Variants in SRL observed in about 807,000 individuals in gnomAD.
SRL encodes sarcalumenin.
Under a neutral mutation model 39.5 loss-of-function variants are expected in SRL, and 23 were observed. That is an observed-to-expected ratio of 0.58 (90% CI 0.42 to 0.82). The LOEUF (loss-of-function observed/expected upper bound fraction) is 0.82, where lower values mean the gene tolerates loss of function less well. Among genes scored for constraint, SRL ranks in the 40% least tolerant of loss-of-function variants. The pLI is 0.00. For synonymous variants in SRL, 272 were observed against 237.4 expected, an observed-to-expected ratio of 1.15 and a Z score of -1.34; for missense variants, 592 against 607.8, an observed-to-expected ratio of 0.97 and a Z score of 0.27.
chr16:4,196,114 C>T (rs1045865565), intron 4 of SRL, among the ~76,000 whole-genome samples: 1 of 151,958 alleles, frequency 6.6e-6, no homozygotes, highest in Admixed American at 6.6e-5. Flanking sequence ...GCACTCGCCA[C>T]CATGCCTGGC....
At chr16:4,195,413 G>T in intron 5 of SRL, 140 bp downstream of exon 5, 1 of 812,514 alleles carries the variant, frequency 1.2e-6, no homozygotes, top group Non-Finnish European at 2.0e-6. Flanking sequence ...GCTCAGGCTG[G>T]TCTTGAACCT....
chr16:4,218,617 G>A (rs888747089), intron 1 of SRL, among the ~76,000 whole-genome samples: 3 of 152,182 alleles, frequency 2.0e-5, no homozygotes, highest in East Asian at 1.9e-4. Context: ...ACACAGGCCC[G>A]CTGGACCACG....
intron 1 of SRL, among the ~76,000 whole-genome samples, chr16:4,238,979 G>C (rs2052743664): frequency 6.6e-6 from 1 of 152,234 alleles, no homozygotes; most frequent in South Asian, 2.1e-4. Flanking sequence ...GTGCATTCCA[G>C]GCTCACTGTG....
chr16:4,233,837 T>C (rs2052685004), intron 1 of SRL, among the ~76,000 whole-genome samples: 2 of 152,122 alleles, frequency 1.3e-5, no homozygotes, highest in African/African-American at 4.8e-5. Context: ...ATGCTTCTAT[T>C]TGATCCTTTT....
At chr16:4,237,336 G>T (rs562170538) in intron 1 of SRL, among the ~76,000 whole-genome samples, 2 of 152,202 alleles carry the variant, frequency 1.3e-5, no homozygotes, top group South Asian at 4.1e-4. Context: ...GAACCTGTAA[G>T]GGCCCCCTCC....
rs12709115 is a variant in SRL, at chr16:4,210,554, G to C, written c.62-5920C>G. 7.2e-3 allele frequency among the ~76,000 whole-genome samples: 992 copies of C among 137,768 alleles called. 14 individuals are homozygous for C. The highest frequency in any genetic ancestry group is 0.026 in the African/African-American group (943 of 35,830). 90.4% of individuals were successfully genotyped at this position (137,768 alleles called of 152,430 possible). On this transcript the variant is annotated intron_variant, in intron 1 of 5. Coordinates refer to ENST00000399609, the MANE Select transcript of SRL (RefSeq NM_001098814.2). The stretch of plus-strand genomic sequence containing the variant: ...ACCCAGGCTGGAGTGCAGTGAACGC[G>C]ATCTCGGTTCACTGTAATCTCCACC...
At position 4,191,067 on chromosome 16, in the gene SRL, C is replaced by G. The variant is rs2052056082; in HGVS notation, c.*1086G>C. 1 of 152,346 alleles carries G rather than the reference C, an allele frequency of 6.6e-6. No individual in the cohort carries two copies. The highest frequency in any genetic ancestry group is 2.4e-5 in the African/African-American group (1 of 41,456). The allele number at this position is 152,346 out of a possible 1,614,324, so 9.4% of individuals were successfully genotyped here. A position where few individuals can be genotyped will look rare whatever the true frequency, so the allele number is the denominator to read the frequency against. On this transcript the variant is annotated 3_prime_UTR_variant, in exon 6 of 6. Transcript: ENST00000399609. ...GACGCACTGCAAACCAATTAACCCT[C>G]TGAGCCCTTCCACGACCTTCACTAC...
chr16:4,233,747 C>T (rs1007339053), intron 1 of SRL, among the ~76,000 whole-genome samples: 3 of 152,148 alleles, frequency 2.0e-5, no homozygotes, highest in African/African-American at 7.2e-5. Context: ...TACACCTCTC[C>T]CTGCTCTCAT....
chr16:4,226,334 A>G (rs939141536), intron 1 of SRL, among the ~76,000 whole-genome samples: 1 of 152,188 alleles, frequency 6.6e-6, no homozygotes, highest in Admixed American at 6.6e-5. Flanking sequence ...GGATGGATGG[A>G]TGAACAGACG....
Position 4,223,544 on chromosome 16 carries a change from GT to G in SRL, c.61+18462del, listed in dbSNP as rs1386365054. 2.7e-5 allele frequency among the ~76,000 whole-genome samples: 4 copies of G among 150,740 alleles called. No homozygotes were observed. The East Asian group carries it at 7.8e-4, about 29-fold the overall frequency. On this transcript the variant is annotated intron_variant, in intron 1 of 5. Coordinates refer to ENST00000399609, the MANE Select transcript of SRL (RefSeq NM_001098814.2). ...GGTGCATGCCATCATATCTGGCTAG[GT>G]TTTTAAATTTTTTTTTTTTTTGTAG...
At chr16:4,241,896 G>A (rs1287938720) in intron 1 of SRL, 111 bp downstream of exon 1, 41 of 1,146,806 alleles carry the variant, frequency 3.6e-5, no homozygotes. Flanking sequence ...CCAGCCAAGA[G>A]CCAGGGTTTG....
chr16:4,221,877 A>G (rs1472603328), intron 1 of SRL, among the ~76,000 whole-genome samples: 1 of 152,012 alleles, frequency 6.6e-6, no homozygotes, highest in Non-Finnish European at 1.5e-5. Context: ...CTCTGCCTCC[A>G]CTGACACAAG....
chr16:4,208,428 G>C (rs1253353842), intron 1 of SRL, among the ~76,000 whole-genome samples: 1 of 152,000 alleles, frequency 6.6e-6, no homozygotes, highest in African/African-American at 2.4e-5. Context: ...TCAAGCTTCC[G>C]GGCTTGGTCC....
At chr16:4,209,269 T>A (rs534550652) in intron 1 of SRL, among the ~76,000 whole-genome samples, 3 of 149,252 alleles carry the variant, frequency 2.0e-5, no homozygotes, top group East Asian at 3.9e-4. Flanking sequence ...TGAGACTCCA[T>A]CTCAAAAAAA....
chr16:4,227,227 T>C (rs1377575058), intron 1 of SRL, among the ~76,000 whole-genome samples: 1 of 138,906 alleles, frequency 7.2e-6, no homozygotes, highest in Non-Finnish European at 1.5e-5. Context: ...GATGAGTGGA[T>C]GGGTGGGTGG....
At chr16:4,195,830 GA>G in intron 4 of SRL, 44 bp from the exon 5 acceptor site, 1 of 1,511,026 alleles carries the variant, frequency 6.6e-7, no homozygotes, top group Non-Finnish European at 9.1e-7. Flanking sequence ...TGATCTCTGT[GA>G]AACAGATCTA....
At chr16:4,198,776 T>C (rs975141353) in intron 3 of SRL, among the ~76,000 whole-genome samples, 1 of 152,136 alleles carries the variant, frequency 6.6e-6, no homozygotes, top group East Asian at 1.9e-4. Flanking sequence ...AACACTAGCC[T>C]CTAAAGTCCA....
At chr16:4,214,959 G>C (rs566904656) in intron 1 of SRL, among the ~76,000 whole-genome samples, 3 of 151,942 alleles carry the variant, frequency 2.0e-5, no homozygotes, top group Non-Finnish European at 4.4e-5. Context: ...GTAGAGACAG[G>C]GTTTCACCAT....
At chr16:4,193,007 C>T (rs1488832271) in intron 5 of SRL, 43 bp from the exon 6 acceptor site, 1 of 1,545,364 alleles carries the variant, frequency 6.5e-7, no homozygotes, top group Non-Finnish European at 8.8e-7. Flanking sequence ...GTAGGCCTCC[C>T]TCAAAGCCCG....
Sources: allele counts gnomAD v4.1 joint callset (sites outside exome capture counted in the v4.1 genomes callset), GRCh38; gene constraint gnomAD v4.1.1; transcripts MANE v1.5; gene names NCBI Gene and HGNC (gene_info 2026-07-23, HGNC 2026-07-21).